The following SGCG variants were observed in gnomAD, a reference collection of about 807,000 sequenced individuals.
The protein encoded by SGCG is gamma-sarcoglycan.
SGCG carries 26 observed loss-of-function variants against 29.3 expected under a neutral mutation model. The observed-to-expected ratio is 0.89, with a 90% confidence interval of 0.65 to 1.23. SGCG has a LOEUF of 1.23. Ranked by LOEUF, SGCG falls within the 50% of genes most tolerant of loss-of-function variation. The pLI is 0.00. For missense variants in SGCG, 353 were observed against 356.0 expected (o/e 0.99, Z 0.07); for synonymous variants, 145 against 129.7 (o/e 1.12, Z -0.80).
intron 2 of SGCG, among the ~76,000 whole-genome samples, chr13:23,207,299 C>T (rs934682166): frequency 6.6e-6 from 1 of 152,104 alleles, no homozygotes; most frequent in African/African-American, 2.4e-5. Flanking sequence ...TTATCTTAAA[C>T]CATACATAAA....
chr13:23,273,732 T>C (rs75952035), intron 4 of SGCG, among the ~76,000 whole-genome samples: 1 of 152,172 alleles, frequency 6.6e-6, no homozygotes, highest in East Asian at 1.9e-4. Context: ...GTTTAGGGAG[T>C]ATTATGTGTG....
intron 4 of SGCG, among the ~76,000 whole-genome samples, chr13:23,270,023 C>T (rs1056027191): frequency 7.2e-5 from 11 of 151,834 alleles, no homozygotes; most frequent in Non-Finnish European, 1.6e-4. Flanking sequence ...TACAGGCGCC[C>T]GCCACCATGC....
At chr13:23,276,183 T>TAA (rs755015040) in intron 4 of SGCG, among the ~76,000 whole-genome samples, 1 of 148,048 alleles carries the variant, frequency 6.8e-6, no homozygotes, top group Non-Finnish European at 1.5e-5. Context: ...CCAACTAGGT[T>TAA]AAAAAAAAAA....
chr13:23,208,452 C>G (rs190014685), intron 2 of SGCG, among the ~76,000 whole-genome samples: 1 of 152,116 alleles, frequency 6.6e-6, no homozygotes, highest in African/African-American at 2.4e-5. Context: ...AAGATGAACG[C>G]ATAAGGACAC....
chr13:23,176,223 T>A (rs749251033), upstream of SGCG, among the ~76,000 whole-genome samples: 1 of 152,006 alleles, frequency 6.6e-6, no homozygotes, highest in African/African-American at 2.4e-5. Context: ...AATATCATTT[T>A]AAAAAAAACT....
intron 7 of SGCG, among the ~76,000 whole-genome samples, 184 bp downstream of exon 7, chr13:23,320,944 T>A (rs752331072): frequency 6.6e-5 from 10 of 152,094 alleles, no homozygotes; most frequent in Non-Finnish European, 1.5e-4. Flanking sequence ...GCCAAGAAAG[T>A]CTAAAATTAT....
intron 6 of SGCG, among the ~76,000 whole-genome samples, chr13:23,317,449 G>T (rs1165281014): frequency 6.9e-6 from 1 of 145,622 alleles, no homozygotes; most frequent in Non-Finnish European, 1.5e-5. Context: ...AATACAGAAT[G>T]GGTAGTTGAA....
intron 1 of SGCG, among the ~76,000 whole-genome samples, chr13:23,192,058 C>T (rs1877284654): frequency 6.6e-6 from 1 of 151,654 alleles, no homozygotes; most frequent in Admixed American, 6.6e-5. Context: ...TCCTGTAGTC[C>T]CAGCTACTCG....
chr13:23,285,722 C>T (rs1205065059), intron 5 of SGCG, among the ~76,000 whole-genome samples: 1 of 152,202 alleles, frequency 6.6e-6, no homozygotes, highest in African/African-American at 2.4e-5. Context: ...TGCTTGAAAT[C>T]CAGGGCCCTG....
rs1882037460 is a variant in SGCG at position 23,299,421 on chromosome 13, TATATATATATATATATATATATATATATA to T, written c.578+3935_578+3963del. ...ATCTTAGTTGGCATATATATATATA[TATATATATATATATATATATATATATATA>T]TATATATTTTTTTTTTTTTTTTAGT... On this transcript the variant is annotated intron_variant, in intron 6 of 7. Transcript: ENST00000218867. 1.3e-3 allele frequency among the ~76,000 whole-genome samples: 4 copies of T among 3,150 alleles called. 1 individual carries two copies. The highest frequency in any genetic ancestry group is 3.9e-3 in the Non-Finnish European group (4 of 1,022). The allele number at this position is 3,150 out of a possible 152,430, so 2.1% of individuals were successfully genotyped here.
chr13:23,276,375 G>A (rs1881066124), intron 4 of SGCG, among the ~76,000 whole-genome samples: 1 of 151,168 alleles, frequency 6.6e-6, no homozygotes, highest in Non-Finnish European at 1.5e-5. Context: ...TCCTTTACCT[G>A]GAGATCCCTG....
chr13:23,180,343 A>G (rs1261830885), upstream of SGCG, among the ~76,000 whole-genome samples: 1 of 25,720 alleles, frequency 3.9e-5, no homozygotes, highest in Non-Finnish European at 7.0e-5. Context: ...TTTGTTAAAC[A>G]CAATAGAAAT....
chr13:23,322,633 C>T (rs760076798), intron 7 of SGCG, among the ~76,000 whole-genome samples: 44 of 152,232 alleles, frequency 2.9e-4, no homozygotes, highest in Non-Finnish European at 1.2e-4. Flanking sequence ...CTCCATACAC[C>T]GGGTGAATGT....
At chr13:23,283,412 C>CT (rs1386869902) in intron 5 of SGCG, among the ~76,000 whole-genome samples, 1 of 152,138 alleles carries the variant, frequency 6.6e-6, no homozygotes, top group Non-Finnish European at 1.5e-5. Context: ...GGTTTAAAGT[C>CT]TATTTTATCA....
Position 23,282,591 on chromosome 13 carries a change from T to C in SGCG, c.505+3113T>C, listed in dbSNP as rs1466807857. On this transcript the variant is annotated intron_variant, in intron 5 of 7. Transcript: ENST00000218867. Reference sequence around the variant, plus strand: ...GGTAAGAGCATGCAGTATTTGGTTTTCTATTACTGTGCTAGTTTGCTAAGG... The same window carrying C: ...GGTAAGAGCATGCAGTATTTGGTTTCCTATTACTGTGCTAGTTTGCTAAGG... 2.6e-5 allele frequency among the ~76,000 whole-genome samples: 4 copies of C among 152,228 alleles called. No individual in the cohort carries two copies. In the East Asian group the frequency reaches 5.8e-4, roughly 22 times the overall value.
chr13:23,221,778 G>A (rs535940496), intron 2 of SGCG, among the ~76,000 whole-genome samples: 44 of 152,294 alleles, frequency 2.9e-4, no homozygotes, highest in Non-Finnish European at 5.4e-4. Context: ...AAAACAAGAG[G>A]TTGCTGAGTG....
chr13:23,311,197 C>T (rs10162182), intron 6 of SGCG, among the ~76,000 whole-genome samples: 65,284 of 151,906 alleles, frequency 0.43, 14,245 homozygotes, highest in South Asian at 0.48. Context: ...CTCATTAGTG[C>T]ACTTTTGATT....
the SGCG span, among the ~76,000 whole-genome samples, chr13:23,160,815 G>T: frequency 2.6e-5 from 4 of 151,934 alleles, no homozygotes; most frequent in Admixed American, 6.6e-5. Context: ...CTTTCTCCTC[G>T]CCTTCTCTGC....
chr13:23,279,632 C>T (rs959552165), intron 5 of SGCG, among the ~76,000 whole-genome samples, 154 bp downstream of exon 5: 1 of 152,052 alleles, frequency 6.6e-6, no homozygotes, highest in Non-Finnish European at 1.5e-5. Flanking sequence ...TGAACTCCCT[C>T]GATGCTCTCC....
Sources: allele counts gnomAD v4.1 joint callset (sites outside exome capture counted in the v4.1 genomes callset), GRCh38; gene constraint gnomAD v4.1.1; transcripts MANE v1.5; gene names NCBI Gene and HGNC (gene_info 2026-07-23, HGNC 2026-07-21).